SYT1: variants seen among roughly 807,000 people sequenced by gnomAD.
SYT1 encodes synaptotagmin 1.
A neutral mutation model predicts 44.8 loss-of-function variants in SYT1; 8 were observed. That is an observed-to-expected ratio of 0.18 (90% CI 0.10 to 0.32). The LOEUF is 0.32. Ranked by LOEUF, SYT1 falls within the 10% of genes least tolerant of loss-of-function variation. The pLI is 1.00. For missense variants in SYT1, 286 were observed against 509.3 expected (o/e 0.56, Z 4.22); for synonymous variants, 154 against 188.8 (o/e 0.82, Z 1.51).
intron 9 of SYT1, among the ~76,000 whole-genome samples, chr12:79,389,921 C>A (rs1036353816): frequency 6.6e-6 from 1 of 151,794 alleles, no homozygotes; most frequent in Admixed American, 6.6e-5. Flanking sequence ...TGTTTGTTTC[C>A]AATAATTCTT....
chr12:79,067,547 T>A (rs1227070686), intron 3 of SYT1, among the ~76,000 whole-genome samples: 1 of 152,194 alleles, frequency 6.6e-6, no homozygotes, highest in Non-Finnish European at 1.5e-5. Context: ...CTTCAAATGC[T>A]AAGATAATAT....
At chr12:79,414,884 C>G (rs1254175305) in intron 9 of SYT1, among the ~76,000 whole-genome samples, 1 of 151,942 alleles carries the variant, frequency 6.6e-6, no homozygotes, top group African/African-American at 2.4e-5. Flanking sequence ...AATTAAGTGG[C>G]AATAGGACTC....
chr12:79,291,371 C>A (rs1480793184), intron 5 of SYT1, among the ~76,000 whole-genome samples: 1 of 152,138 alleles, frequency 6.6e-6, no homozygotes, highest in Admixed American at 6.6e-5. Flanking sequence ...TTTGGTGGAG[C>A]TGTTATGAAA....
intron 3 of SYT1, among the ~76,000 whole-genome samples, chr12:79,183,417 A>G (rs942574163): frequency 5.3e-5 from 8 of 151,940 alleles, no homozygotes; most frequent in Non-Finnish European, 1.2e-4. Flanking sequence ...ATATCTGGAG[A>G]TATTTTTAAT....
Position 79,009,197 on chromosome 12 carries a change from T to C in SYT1, c.-84+31266T>C, listed in dbSNP as rs570221907. ...TAAGAGCTCTATAAATGGTTAGTAC[T>C]TTCTATGAGAAAAAAGTCTCTATGA... On this transcript the variant is annotated intron_variant, in intron 2 of 10. Transcript: ENST00000261205. Among the ~76,000 whole-genome samples, 28 of 152,334 alleles carry C rather than the reference T, an allele frequency of 1.8e-4. 1 individual carries two copies. The Middle Eastern group carries it at 0.014, about 74-fold the overall frequency.
intron 1 of SYT1, among the ~76,000 whole-genome samples, chr12:78,968,858 C>A (rs1006669816): frequency 6.6e-6 from 1 of 152,106 alleles, no homozygotes; most frequent in Non-Finnish European, 1.5e-5. Context: ...CAGATACTAT[C>A]CAAGATGCTG....
chr12:79,340,128 T>G (rs529250885), intron 8 of SYT1, among the ~76,000 whole-genome samples: 4 of 152,296 alleles, frequency 2.6e-5, no homozygotes, highest in African/African-American at 4.8e-5. Flanking sequence ...TTGTTCTTTT[T>G]GCTTAGGATG....
At chr12:79,211,405 T>G (rs1874437067) in intron 3 of SYT1, among the ~76,000 whole-genome samples, 2 of 152,238 alleles carry the variant, frequency 1.3e-5, no homozygotes, top group South Asian at 4.1e-4. Flanking sequence ...ATTAATTTTT[T>G]ATTGAGAATT....
At chr12:79,291,650 A>G (rs773990045) in intron 5 of SYT1, 3 of 385,906 alleles carry the variant, frequency 7.8e-6, no homozygotes, top group Non-Finnish European at 1.5e-5. Flanking sequence ...CATGAATGTG[A>G]AACTTGGCCT....
intron 1 of SYT1, among the ~76,000 whole-genome samples, chr12:78,876,795 A>AAT (rs1358853178): frequency 9.6e-4 from 26 of 27,144 alleles, no homozygotes; most frequent in East Asian, 1.9e-3. Context: ...TAATACATAT[A>AAT]ATATATTATA....
intron 3 of SYT1, among the ~76,000 whole-genome samples, chr12:79,153,084 A>G (rs1870378011): frequency 6.6e-6 from 1 of 152,064 alleles, no homozygotes; most frequent in Non-Finnish European, 1.5e-5. Flanking sequence ...TCGATGACCA[A>G]AAAACAACCC....
At chr12:79,416,149 C>T (rs1287394638) in intron 9 of SYT1, among the ~76,000 whole-genome samples, 1 of 152,058 alleles carries the variant, frequency 6.6e-6, no homozygotes, top group Non-Finnish European at 1.5e-5. Flanking sequence ...AGAGAGGGAA[C>T]CACGAAGGCC....
intron 9 of SYT1, among the ~76,000 whole-genome samples, chr12:79,362,806 G>A (rs1883369811): frequency 6.6e-6 from 1 of 152,166 alleles, no homozygotes; most frequent in African/African-American, 2.4e-5. Context: ...AGCTATTCAG[G>A]ATGATCTCAA....
intron 3 of SYT1, among the ~76,000 whole-genome samples, chr12:79,212,696 A>C (rs1047609270): frequency 2.0e-5 from 3 of 152,214 alleles, no homozygotes; most frequent in Non-Finnish European, 4.4e-5. Flanking sequence ...TCCTTTCAGT[A>C]AGATGACTTG....
At chr12:79,162,638 G>C (rs1260521704) in intron 3 of SYT1, among the ~76,000 whole-genome samples, 1 of 151,794 alleles carries the variant, frequency 6.6e-6, no homozygotes, top group Non-Finnish European at 1.5e-5. Context: ...TCTTTTTTTA[G>C]CATTTACAAC....
intron 1 of SYT1, among the ~76,000 whole-genome samples, chr12:78,907,880 C>A (rs1222533024): frequency 6.6e-6 from 1 of 151,984 alleles, no homozygotes; most frequent in Non-Finnish European, 1.5e-5. Flanking sequence ...AAGCATTGAT[C>A]TGTTTCTCTG....
intron 9 of SYT1, among the ~76,000 whole-genome samples, chr12:79,433,629 CTG>C (rs1253186089): frequency 2.0e-5 from 3 of 152,186 alleles, no homozygotes; most frequent in East Asian, 1.9e-4. Flanking sequence ...GTTTTTGTCT[CTG>C]TGTTTGTTAG....
At chr12:79,265,703 C>G (rs527599838) in intron 4 of SYT1, among the ~76,000 whole-genome samples, 38 of 152,168 alleles carry the variant, frequency 2.5e-4, no homozygotes, top group African/African-American at 8.4e-4. Flanking sequence ...ATAATGTTAG[C>G]TACTTTAGCT....
chr12:79,208,878 T>C (rs928273155), intron 3 of SYT1, among the ~76,000 whole-genome samples: 3 of 151,936 alleles, frequency 2.0e-5, no homozygotes, highest in Non-Finnish European at 2.9e-5. Flanking sequence ...TGAGAAATAC[T>C]TCCTGGAAGG....
Sources: gnomAD v4.1 joint callset for allele counts (sites outside exome capture counted in the v4.1 genomes callset) on GRCh38, gnomAD v4.1.1 for gene constraint, MANE v1.5 for transcripts, NCBI Gene and HGNC (gene_info 2026-07-23, HGNC 2026-07-21) for gene names.